Variants in RORA observed in about 807,000 individuals in gnomAD.
RORA encodes nuclear receptor ROR-alpha.
RORA carries 7 observed loss-of-function variants against 69.5 expected under a neutral mutation model. That is an observed-to-expected ratio of 0.10 (90% CI 0.06 to 0.19). RORA has a LOEUF of 0.19. Among genes scored for constraint, RORA ranks in the 10% least tolerant of loss-of-function variants. RORA has a pLI of 1.00. For missense variants in RORA, 457 were observed against 663.0 expected (o/e 0.69, Z 3.41); for synonymous variants, 261 against 240.8 (o/e 1.08, Z -0.78).
chr15:60,997,951 T>G (rs1195832268), intron 1 of RORA, among the ~76,000 whole-genome samples: 7 of 152,180 alleles, frequency 4.6e-5, no homozygotes, highest in Non-Finnish European at 1.0e-4. Context: ...AACACATTGT[T>G]TATGGAGAGA....
chr15:61,138,960 A>G (rs879789555), intron 1 of RORA, among the ~76,000 whole-genome samples: 1 of 152,178 alleles, frequency 6.6e-6, no homozygotes, highest in Non-Finnish European at 1.5e-5. Flanking sequence ...CCTGGCTAAC[A>G]GGGTGAAACC....
At chr15:60,940,720 G>A (rs534278400) in intron 1 of RORA, among the ~76,000 whole-genome samples, 9 of 152,200 alleles carry the variant, frequency 5.9e-5, no homozygotes, top group Non-Finnish European at 1.0e-4. Flanking sequence ...GAGGTCAGAA[G>A]ATTGAGACCA....
chr15:60,629,093 T>A (rs1004031494), intron 2 of RORA, among the ~76,000 whole-genome samples: 1 of 151,946 alleles, frequency 6.6e-6, no homozygotes, highest in African/African-American at 2.4e-5. Flanking sequence ...AGACCTACAC[T>A]ATCTAAGATA....
intron 1 of RORA, among the ~76,000 whole-genome samples, chr15:61,014,582 A>G (rs1214844489): frequency 6.6e-6 from 1 of 152,222 alleles, no homozygotes; most frequent in African/African-American, 2.4e-5. Context: ...TCATTTCCAA[A>G]GGATGAAAGA....
At chr15:60,739,839 G>C (rs1404571541) in intron 1 of RORA, among the ~76,000 whole-genome samples, 1 of 152,158 alleles carries the variant, frequency 6.6e-6, no homozygotes, top group African/African-American at 2.4e-5. Flanking sequence ...AAAGAAATCT[G>C]ATTTTCATGG....
chr15:61,050,237 C>T (rs1023002646), intron 1 of RORA, among the ~76,000 whole-genome samples: 3 of 152,160 alleles, frequency 2.0e-5, no homozygotes, highest in African/African-American at 4.8e-5. Context: ...GCAGCCGCAG[C>T]GATGAGTCAT....
chr15:61,146,604 C>T (rs1200446660), intron 1 of RORA, among the ~76,000 whole-genome samples: 1 of 152,130 alleles, frequency 6.6e-6, no homozygotes, highest in African/African-American at 2.4e-5. Context: ...ATGCACTCTG[C>T]TTCCTTATTT....
At chr15:60,508,031 T>C (rs2141299437) in intron 5 of RORA, among the ~76,000 whole-genome samples, 1 of 152,266 alleles carries the variant, frequency 6.6e-6, no homozygotes, top group East Asian at 1.9e-4. Context: ...CCAACAGCCT[T>C]TCATTCCAAT....
intron 1 of RORA, among the ~76,000 whole-genome samples, chr15:60,700,287 C>T (rs951088853): frequency 6.6e-6 from 1 of 152,146 alleles, no homozygotes; most frequent in African/African-American, 2.4e-5. Flanking sequence ...TACTAAGGGA[C>T]AAAATTTTCA....
chr15:60,943,916 C>CAAAAAAAAAAAAAAAAAAAATAAA (rs1892781696), intron 1 of RORA, among the ~76,000 whole-genome samples: 1 of 32,330 alleles, frequency 3.1e-5, no homozygotes, highest in Non-Finnish European at 5.9e-5. Context: ...ACTCCATCTC[C>CAAAAAAAAAAAAAAAAAAAATAAA]AAAAAAAAAA....
chr15:61,225,046 A>C (rs2080133443), intron 1 of RORA, among the ~76,000 whole-genome samples: 1 of 152,188 alleles, frequency 6.6e-6, no homozygotes, highest in Non-Finnish European at 1.5e-5. Context: ...TCAGGACTTG[A>C]ATTCTAGATT....
At chr15:60,672,044 G>T (rs1021711625) in intron 2 of RORA, among the ~76,000 whole-genome samples, 1 of 152,144 alleles carries the variant, frequency 6.6e-6, no homozygotes, top group Non-Finnish European at 1.5e-5. Flanking sequence ...CCACGCGCAT[G>T]CCACTACACT....
At chr15:61,175,541 T>TAAAAAA (rs75174095) in intron 1 of RORA, among the ~76,000 whole-genome samples, 1 of 120,210 alleles carries the variant, frequency 8.3e-6, no homozygotes, top group Non-Finnish European at 1.7e-5. Context: ...ATCCTGTTTC[T>TAAAAAA]AAAAAAAAAA....
At chr15:61,205,358 G>T (rs1024036779) in intron 1 of RORA, among the ~76,000 whole-genome samples, 1 of 152,156 alleles carries the variant, frequency 6.6e-6, no homozygotes, top group Non-Finnish European at 1.5e-5. Flanking sequence ...GGGTCCTGCC[G>T]TGTCATAAAC....
At chr15:60,811,193 T>C (rs1444347483) in intron 1 of RORA, among the ~76,000 whole-genome samples, 1 of 152,208 alleles carries the variant, frequency 6.6e-6, no homozygotes, top group African/African-American at 2.4e-5. Flanking sequence ...GATGGTACCA[T>C]TTCCTAGAGT....
In RORA at chr15:60,511,198, A is replaced by G; in HGVS notation, c.820+28T>C. The G allele has an allele frequency of 2.5e-6, 4 of 1,590,408 alleles. No homozygotes were observed. The highest frequency in any genetic ancestry group is 3.4e-6 in the Non-Finnish European group (4 of 1,167,822). On this transcript the variant is annotated intron_variant, in intron 5 of 10. Coordinates refer to ENST00000335670, the MANE Select transcript of RORA (RefSeq NM_134261.3). The surrounding 1 kb of genome is among the most constrained non-coding windows in gnomAD (Gnocchi z 6.4). Reference sequence around the variant, plus strand: ...TTACTTCAAAGGGCATGAATAGAGCATCCCAGGAGAAGCATGCATGCCATT... The same window carrying G: ...TTACTTCAAAGGGCATGAATAGAGCGTCCCAGGAGAAGCATGCATGCCATT...
chr15:61,142,261 T>C (rs1368064106), intron 1 of RORA, among the ~76,000 whole-genome samples: 3 of 152,204 alleles, frequency 2.0e-5, no homozygotes, highest in Non-Finnish European at 2.9e-5. Flanking sequence ...TGCTGGCATA[T>C]TTCCAAGCTC....
chr15:60,765,804 A>G (rs1470059893), intron 1 of RORA, among the ~76,000 whole-genome samples: 1 of 152,126 alleles, frequency 6.6e-6, no homozygotes, highest in Non-Finnish European at 1.5e-5. Flanking sequence ...AAGGCAGCCC[A>G]GCTTCATTTT....
chr15:60,833,311 G>C (rs1390999638), intron 1 of RORA, among the ~76,000 whole-genome samples: 1 of 151,886 alleles, frequency 6.6e-6, no homozygotes, highest in Non-Finnish European at 1.5e-5. Context: ...CACCTCCCAG[G>C]TTCAAGTGAT....
Sources: allele counts gnomAD v4.1 joint callset (sites outside exome capture counted in the v4.1 genomes callset), GRCh38; gene constraint gnomAD v4.1.1; non-coding constraint Gnocchi (gnomAD v3.1); transcripts MANE v1.5; gene names NCBI Gene and HGNC (gene_info 2026-07-23, HGNC 2026-07-21).